The following HDAC9 variants were observed in gnomAD, a reference collection of about 807,000 sequenced individuals.
HDAC9 encodes the protein histone deacetylase 9.
A neutral mutation model predicts 139.4 loss-of-function variants in HDAC9; 41 were observed. The ratio of observed to expected loss-of-function variants is 0.29; its 90% confidence interval spans 0.23 to 0.38. HDAC9 has a LOEUF of 0.38. HDAC9 is among the 10% of genes least tolerant of loss of function. HDAC9 has a pLI of 1.00. For synonymous variants in HDAC9, 517 were observed against 476.2 expected, an observed-to-expected ratio of 1.09 and a Z score of -1.12; for missense variants, 1,147 against 1,297.0, an observed-to-expected ratio of 0.88 and a Z score of 1.78.
At chr7:18,371,576 A>C (rs1018293207) in intron 1 of HDAC9, among the ~76,000 whole-genome samples, 1 of 152,194 alleles carries the variant, frequency 6.6e-6, no homozygotes, top group Non-Finnish European at 1.5e-5. Flanking sequence ...AAAAGCAAAC[A>C]AAAATAGGAA....
chr7:18,742,477 T>C (rs1787551284), intron 13 of HDAC9, among the ~76,000 whole-genome samples: 1 of 152,232 alleles, frequency 6.6e-6, no homozygotes, highest in African/African-American at 2.4e-5. Flanking sequence ...GGTTACAGTA[T>C]AATGTAAACA....
At chr7:18,454,703 C>G (rs1793186501) in intron 1 of HDAC9, among the ~76,000 whole-genome samples, 2 of 151,992 alleles carry the variant, frequency 1.3e-5, no homozygotes. Context: ...AGAAAATTAT[C>G]TTATACCTTG....
chr7:18,273,274 GC>G (rs1401815053), intron 2 of HDAC9, among the ~76,000 whole-genome samples: 1 of 150,684 alleles, frequency 6.6e-6, no homozygotes, highest in East Asian at 1.9e-4. Flanking sequence ...TCCCTTTTTT[GC>G]CCAGGCTGGT....
intron 2 of HDAC9, among the ~76,000 whole-genome samples, chr7:18,229,472 C>T (rs532521797): frequency 4.6e-5 from 7 of 152,278 alleles, no homozygotes; most frequent in East Asian, 1.9e-4. Flanking sequence ...GGCTCGGTGC[C>T]GTGCCTGATG....
intron 1 of HDAC9, among the ~76,000 whole-genome samples, chr7:18,302,530 C>T (rs1274285074): frequency 6.6e-6 from 1 of 152,138 alleles, no homozygotes; most frequent in Non-Finnish European, 1.5e-5. Context: ...TTTACCTTTC[C>T]AAGTCTCAGT....
At chr7:18,120,692 T>G (rs1784314490) in intron 1 of HDAC9, among the ~76,000 whole-genome samples, 1 of 152,238 alleles carries the variant, frequency 6.6e-6, no homozygotes, top group Non-Finnish European at 1.5e-5. Flanking sequence ...GGCAAAAATC[T>G]GTAGTCATAA....
chr7:18,850,224 A>G (rs1173841159), intron 21 of HDAC9, among the ~76,000 whole-genome samples: 5 of 152,320 alleles, frequency 3.3e-5, no homozygotes, highest in South Asian at 2.1e-4. Context: ...GAGAAAAAAT[A>G]CTTTCCTTGA....
At position 19,000,326 on chromosome 7, in the gene HDAC9, A is replaced by C. The variant is rs1786689760; in HGVS notation, c.*4264A>C. The C allele has an allele frequency of 6.6e-6, 1 of 152,172 alleles. No homozygotes were observed. The highest frequency in any genetic ancestry group is 1.5e-5 in the Non-Finnish European group (1 of 68,028). The allele number at this position is 152,172 out of a possible 1,614,324, so 9.4% of individuals were successfully genotyped here. ...TTAAATATGTAAGTTCCTATATGTGACTTTTTCTGGGCATATTTGCATCAA... is the reference window on the plus strand; with the variant it reads ...TTAAATATGTAAGTTCCTATATGTGCCTTTTTCTGGGCATATTTGCATCAA... On this transcript the variant is annotated 3_prime_UTR_variant, in exon 26 of 26. Coordinates refer to ENST00000686413, the MANE Select transcript of HDAC9 (RefSeq NM_178425.4).
At chr7:18,119,428 A>C (rs1005662105) in intron 1 of HDAC9, among the ~76,000 whole-genome samples, 1 of 152,186 alleles carries the variant, frequency 6.6e-6, no homozygotes, top group African/African-American at 2.4e-5. Flanking sequence ...TTGCCATAGA[A>C]AATGTTTGTT....
At chr7:18,444,061 G>A (rs1369290911) in intron 1 of HDAC9, among the ~76,000 whole-genome samples, 1 of 151,936 alleles carries the variant, frequency 6.6e-6, no homozygotes, top group African/African-American at 2.4e-5. Flanking sequence ...ATTTGCAACT[G>A]GGCATGGTGG....
chr7:18,287,268 A>T (rs1797513679), upstream of HDAC9, among the ~76,000 whole-genome samples: 2 of 152,202 alleles, frequency 1.3e-5, no homozygotes, highest in Admixed American at 1.3e-4. Context: ...ACTGCAAAGA[A>T]AAAAGAAAAA....
intron 12 of HDAC9, among the ~76,000 whole-genome samples, chr7:18,680,401 T>C (rs762014275): frequency 1.1e-4 from 17 of 152,050 alleles, no homozygotes; most frequent in Non-Finnish European, 2.4e-4. Context: ...TTAGTTGGTA[T>C]AGAAATGTGT....
Position 18,425,595 on chromosome 7 carries a change from G to A in HDAC9, c.-41-70667G>A, listed in dbSNP as rs554378238. Reference sequence around the variant, plus strand: ...TAACTAAGTCTTACACATGGCTCCAGAGGAGGATCTTCCTTCGCCAGTTAA... The same window carrying A: ...TAACTAAGTCTTACACATGGCTCCAAAGGAGGATCTTCCTTCGCCAGTTAA... On this transcript the variant is annotated intron_variant, in intron 1 of 3. Transcript: ENST00000413509. Among the ~76,000 whole-genome samples the A allele has an allele frequency of 2.2e-4, 33 of 152,328 alleles. No individual in the cohort carries two copies. In the South Asian group the frequency reaches 6.8e-3, roughly 32 times the overall value.
intron 22 of HDAC9, among the ~76,000 whole-genome samples, chr7:18,914,791 T>C (rs1803043340): frequency 7.3e-6 from 1 of 137,572 alleles, no homozygotes; most frequent in Non-Finnish European, 1.7e-5. Flanking sequence ...AGAAACATAT[T>C]TTTTGAAATT....
chr7:18,967,543 T>C (rs1342493485), intron 24 of HDAC9, among the ~76,000 whole-genome samples: 2 of 145,202 alleles, frequency 1.4e-5, no homozygotes, highest in Non-Finnish European at 3.0e-5. Flanking sequence ...TGAAAGCTAT[T>C]TGTTATAAAT....
At chr7:18,698,995 T>G (rs1783258749) in intron 12 of HDAC9, among the ~76,000 whole-genome samples, 2 of 152,300 alleles carry the variant, frequency 1.3e-5, no homozygotes, top group African/African-American at 4.8e-5. Context: ...ATGGGGGAGA[T>G]TATAGCAATG....
intron 17 of HDAC9, among the ~76,000 whole-genome samples, chr7:18,794,789 C>T (rs1056787233): frequency 6.6e-6 from 1 of 152,164 alleles, no homozygotes; most frequent in Admixed American, 6.5e-5. Context: ...ATTTGAACAT[C>T]TTATTTTAAA....
chr7:18,100,585 T>C lies in HDAC9; in HGVS notation c.-97+13372T>C, dbSNP rs1308603662. 3.9e-5 allele frequency among the ~76,000 whole-genome samples: 6 copies of C among 152,224 alleles called. No individual in the cohort carries two copies. The South Asian group carries it at 1.2e-3, about 31-fold the overall frequency. Reference sequence around the variant, plus strand: ...GTGTTCTCCATCTCACACATTGTAGTTTTCATCTCTTGAAGTTCAATGGGG... The same window carrying C: ...GTGTTCTCCATCTCACACATTGTAGCTTTCATCTCTTGAAGTTCAATGGGG... On this transcript the variant is annotated intron_variant, in intron 1 of 12. Coordinates refer to the HDAC9 transcript ENST00000417496.
chr7:18,669,434 A>C (rs937764437), intron 12 of HDAC9, among the ~76,000 whole-genome samples: 1 of 151,826 alleles, frequency 6.6e-6, no homozygotes, highest in African/African-American at 2.4e-5. Context: ...TAGGAGCCTG[A>C]TTCAAGTAAA....
Sources: gnomAD v4.1 joint callset for allele counts (sites outside exome capture counted in the v4.1 genomes callset) on GRCh38, gnomAD v4.1.1 for gene constraint, MANE v1.5 for transcripts, NCBI Gene and HGNC (gene_info 2026-07-23, HGNC 2026-07-21) for gene names.